Variants in MELTF observed in about 807,000 individuals in gnomAD.
MELTF encodes the protein melanotransferrin.
MELTF carries 67 observed loss-of-function variants against 83.7 expected under a neutral mutation model. The ratio of observed to expected loss-of-function variants is 0.80; its 90% CI spans 0.66 to 0.98. The LOEUF (loss-of-function observed/expected upper bound fraction) is 0.98, where lower values mean the gene tolerates loss of function less well. Among genes scored for constraint, MELTF ranks in the 50% least tolerant of loss-of-function variants. MELTF has a pLI of 0.00. For synonymous variants in MELTF, 462 were observed against 447.6 expected (o/e 1.03, Z -0.41); for missense variants, 1,002 against 1,035.6 (o/e 0.97, Z 0.44).
In MELTF at chr3:197,016,954, G is replaced by A. The variant is rs543358844; in HGVS notation, c.900+149C>T. ...CTCCTTCTGGCCAGCCAGCATAGTC[G>A]GTTCCTCACTCTGACCTGGCCCGAT... On this transcript the variant is annotated intron_variant, in intron 7 of 15. Transcript: ENST00000296350. The A allele has an allele frequency of 1.2e-4, 102 of 882,558 alleles. 1 individual carries two copies. In the East Asian group the frequency reaches 2.6e-3, roughly 23 times the overall value. The allele number at this position is 882,558 out of a possible 1,614,324, so 54.7% of individuals were successfully genotyped here. A position where few individuals can be genotyped will look rare whatever the true frequency, so the allele number is the denominator to read the frequency against.
Position 197,016,194 on chromosome 3 carries a change from G to C in MELTF, c.1076C>G (p.Pro359Arg), listed in dbSNP as rs765182982. The C allele has an allele frequency of 1.8e-5, 28 of 1,538,010 alleles. No individual in the cohort carries two copies. In the Admixed American group the frequency reaches 2.5e-4, roughly 14 times the overall value. ...GTGGGGACAGGTGGACTTACGGTTG[G>C]GGTCACAGAGCAGACCCTTCATGGC... ...LHAMKGLLCD[P>R]NRLPPYLRWC... The change falls in exon 8 of 16, where the codon CCC (proline) becomes CGC (arginine). Residue 359 changes from proline to arginine, a missense_variant. Coordinates refer to ENST00000296350, the MANE Select transcript of MELTF (RefSeq NM_005929.6).
rs563320638 is a variant in MELTF at position 197,024,790 on chromosome 3, G to T, written c.305-305C>A. ...GGGTCCACATTTGCTCACATCAGGG[G>T]AGTTATTTAGCTGGACAGAAAGCAG... is the stretch of plus-strand genomic sequence containing the variant. On this transcript the variant is annotated intron_variant, in intron 3 of 15. Transcript: ENST00000296350. This position sits in a 1 kb window ranked among gnomAD's most constrained non-coding sequence, Gnocchi z 5.3. Among the ~76,000 whole-genome samples, 2 of 152,316 alleles carry T rather than the reference G, an allele frequency of 1.3e-5. No individual in the cohort carries two copies. Among genetic ancestry groups the T allele is most frequent in the South Asian group, 4.1e-4 (2 of 4,824 alleles).
intron 14 of MELTF, chr3:197,004,384 A>G (rs1718902213): frequency 4.2e-6 from 2 of 473,648 alleles, no homozygotes; most frequent in East Asian, 8.1e-5. Context: ...ATGTCCAGGA[A>G]GAAAGACCCA....
chr3:197,003,891 C>G lies in MELTF; in HGVS notation c.2137+10G>C. On this transcript the variant is annotated intron_variant, in intron 15 of 15. Transcript: ENST00000296350. The surrounding 1 kb of genome is among the most constrained non-coding windows in gnomAD (Gnocchi z 6.2). The stretch of plus-strand genomic sequence containing the variant: ...GCACCAGGGGAGGCGGCAGGGCGGG[C>G]CTGTCCTACCTGCGCCCGAGCACTG... 6.2e-7 allele frequency: 1 copy of G among 1,612,310 alleles called. No individual in the cohort carries two copies. Among genetic ancestry groups the G allele is most frequent in the Non-Finnish European group, 8.5e-7 (1 of 1,179,576 alleles).
rs145084311 is a variant in MELTF at position 197,023,080 on chromosome 3, G to C, written c.521C>G (p.Pro174Arg). ...VSDYFGGSCV[P>R]GAGETSYSES... ...AGAGTAACTGGTCTCTCCTGCCCCC[G>C]GGACGCAGCTGCCCCCAAAATAGTC... Residue 174 changes from proline to arginine, a missense_variant, in exon 5 of 16, where the codon CCG becomes CGG. Coordinates refer to ENST00000296350, the MANE Select transcript of MELTF (RefSeq NM_005929.6). 19 of 1,613,688 alleles carry C rather than the reference G, an allele frequency of 1.2e-5. No individual in the cohort carries two copies. Among genetic ancestry groups the C allele is most frequent in the Non-Finnish European group, 1.6e-5 (19 of 1,180,022 alleles).
Position 197,003,408 on chromosome 3 carries a change from G to A in MELTF, c.2181C>T (p.Pro727=). 9.0e-7 allele frequency: 1 copy of A among 1,107,482 alleles called. No homozygotes were observed. Among genetic ancestry groups the A allele is most frequent in the African/African-American group, 1.7e-5 (1 of 59,894 alleles). The allele number at this position is 1,107,482 out of a possible 1,614,324, so 68.6% of individuals were successfully genotyped here. Residue 727 remains proline (P), a synonymous_variant, in exon 16 of 16, where the codon CCC becomes CCT. Transcript: ENST00000296350. The surrounding 1 kb of genome is among the most constrained non-coding windows in gnomAD (Gnocchi z 6.2). ...GCGGGAGCAGGCGGGCGGCGAGGGC[G>A]GGCAGCAGCAGCGGGAGCAGGGGCG... The part of the protein sequence containing the change: ...PGAPLLPLLL[P]ALAARLLPPA...
chr3:197,017,230 C>G lies in MELTF; in HGVS notation c.773G>C (p.Arg258Pro), dbSNP rs554961846. 3 of 1,593,608 alleles carry G rather than the reference C, an allele frequency of 1.9e-6. No individual in the cohort carries two copies. The highest frequency in any genetic ancestry group is 1.8e-5 in the Admixed American group (1 of 55,948). ...LLSQDFELLC[R>P]DGSRADVTEW... is the part of the protein sequence containing the mutation. ...GGTGACATCGGCCCGGCTACCATCC[C>G]GGCACAGCAGCTCGAAGTCCTGTGA... Residue 258 changes from arginine to proline, a missense_variant, in exon 7 of 16, where the codon CGG (arginine) becomes CCG (proline). Physicochemically the swap from Arg to Pro is moderately radical, Grantham distance 103. Transcript: ENST00000296350.
At position 197,009,808 on chromosome 3, in the gene MELTF, T is replaced by C; in HGVS notation, c.1335A>G (p.Glu445=). ...CCACGTAGTACGAGTTGCTGCTGTC[T>C]TCCGCTGGGGAGAGAGGGACTCACG... ...VPAAGEHYAP[E]DSSNSYYVVA... The change falls in exon 11 of 16, where the codon GAA becomes GAG. Residue 445 remains glutamate (E), a synonymous_variant. Coordinates refer to ENST00000296350, the MANE Select transcript of MELTF (RefSeq NM_005929.6). The C allele has an allele frequency of 6.2e-7, 1 of 1,609,482 alleles. No homozygotes were observed. The highest frequency in any genetic ancestry group is 8.5e-7 in the Non-Finnish European group (1 of 1,176,860).
At chr3:197,016,988 C>T (rs1719401877) in intron 7 of MELTF, 115 bp downstream of exon 7, 2 of 1,181,152 alleles carry the variant, frequency 1.7e-6, no homozygotes, top group Non-Finnish European at 2.4e-6. Context: ...ATGCTGGGGT[C>T]CGTCCCAAGG....
At chr3:197,021,996 G>A (rs1719642898) in intron 5 of MELTF, among the ~76,000 whole-genome samples, 3 of 152,178 alleles carry the variant, frequency 2.0e-5, no homozygotes, top group Admixed American at 6.5e-5. Flanking sequence ...TGGGGTGACA[G>A]GTGTGTGCCA....
In MELTF at chr3:197,006,433, TC is replaced by T. The variant is rs1185221694; in HGVS notation, c.1938+115del. 4.3e-5 allele frequency: 38 copies of T among 879,140 alleles called. No homozygotes were observed. Among genetic ancestry groups the T allele is most frequent in the Non-Finnish European group, 6.1e-5 (37 of 605,082 alleles). The allele number at this position is 879,140 out of a possible 1,614,324, so 54.5% of individuals were successfully genotyped here. A position where few individuals can be genotyped will look rare whatever the true frequency, so the allele number is the denominator to read the frequency against. ...TTGCGTAAGTGAAAATCACAGAATT[TC>T]CCCCGGGCTTCCTCAATTTCTCTAG... On this transcript the variant is annotated intron_variant, in intron 14 of 15. Transcript: ENST00000296350. This position sits in a 1 kb window ranked among gnomAD's most constrained non-coding sequence, Gnocchi z 5.4.
intron 6 of MELTF, chr3:197,019,034 T>C: frequency 1.0e-6 from 1 of 985,450 alleles, no homozygotes. Context: ...AAAGATAATT[T>C]GTATGGTCAT....
At chr3:197,009,856 C>T in intron 10 of MELTF, 44 bp from the exon 11 acceptor site, 2 of 1,567,124 alleles carry the variant, frequency 1.3e-6, no homozygotes, top group Non-Finnish European at 1.8e-6. Flanking sequence ...CATCTGAGAG[C>T]CCGGGCAAGT....
intron 3 of MELTF, among the ~76,000 whole-genome samples, chr3:197,025,279 C>A (rs1719807591): frequency 6.6e-6 from 1 of 152,252 alleles, no homozygotes; most frequent in Non-Finnish European, 1.5e-5. Context: ...AGTTCTAGAA[C>A]ATAAAGCCAG....
intron 14 of MELTF, among the ~76,000 whole-genome samples, chr3:197,005,105 C>T (rs1432111807): frequency 3.3e-5 from 5 of 152,178 alleles, no homozygotes; most frequent in Admixed American, 6.5e-5. Flanking sequence ...AAGGCAATTT[C>T]AGCATAAGTC....
At chr3:197,014,640 T>G (rs1022800804) in intron 9 of MELTF, among the ~76,000 whole-genome samples, 1 of 152,184 alleles carries the variant, frequency 6.6e-6, no homozygotes, top group Middle Eastern at 3.2e-3. Context: ...TCCACCCACC[T>G]TGGCCTCCCA....
rs540711002 is a variant in MELTF, at chr3:197,015,874, G to T, written c.1081+315C>A. Among the ~76,000 whole-genome samples the T allele has an allele frequency of 3.3e-4, 50 of 152,306 alleles. No individual in the cohort carries two copies. In the South Asian group the frequency reaches 0.01, roughly 32 times the overall value. ...GCCATGGGGTAGAGGCGGGGAGTAG[G>T]AGCGAGAGGCTGTAGAAGAGCTGAC... is the stretch of plus-strand genomic sequence containing the variant. On this transcript the variant is annotated intron_variant, in intron 8 of 15. Transcript: ENST00000296350.
At chr3:197,013,021 C>G (rs1358639645) in intron 9 of MELTF, among the ~76,000 whole-genome samples, 1 of 152,108 alleles carries the variant, frequency 6.6e-6, no homozygotes, top group Non-Finnish European at 1.5e-5. Flanking sequence ...GTGCTGTCAG[C>G]AATGCTGAAC....
rs1319576085 is a variant in MELTF at position 197,007,403 on chromosome 3, C to T, written c.1751-667G>A. Among the ~76,000 whole-genome samples the T allele has an allele frequency of 6.6e-6, 1 of 152,222 alleles. No individual in the cohort carries two copies. The highest frequency in any genetic ancestry group is 2.4e-5 in the African/African-American group (1 of 41,452). On this transcript the variant is annotated intron_variant, in intron 13 of 15. Coordinates refer to ENST00000296350, the MANE Select transcript of MELTF (RefSeq NM_005929.6). This position sits in a 1 kb window ranked among gnomAD's most constrained non-coding sequence, Gnocchi z 4.3. ...TCTGTGCATTCACTTAGTATCCATCCTCCTCCCATTTCCAGGAAATCCAGG... is the reference window on the plus strand; with the variant it reads ...TCTGTGCATTCACTTAGTATCCATCTTCCTCCCATTTCCAGGAAATCCAGG...
Sources: allele counts gnomAD v4.1 joint callset (sites outside exome capture counted in the v4.1 genomes callset), GRCh38; gene constraint gnomAD v4.1.1; non-coding constraint Gnocchi (gnomAD v3.1); transcripts MANE v1.5; gene names NCBI Gene and HGNC (gene_info 2026-07-23, HGNC 2026-07-21).